SNX14: variants seen among roughly 807,000 people sequenced by gnomAD.
SNX14 encodes the protein sorting nexin-14.
In SNX14, 93 loss-of-function variants were observed where a neutral mutation model predicts 133.8. The ratio of observed to expected loss-of-function variants is 0.70; its 90% CI spans 0.59 to 0.83. SNX14 has a LOEUF of 0.83. Ranked by LOEUF, SNX14 falls within the 40% of genes least tolerant of loss-of-function variation. The pLI, the probability that SNX14 is intolerant of heterozygous loss-of-function variation, is 0.00. For missense variants in SNX14, 945 were observed against 1,094.9 expected (o/e 0.86, Z 1.93); for synonymous variants, 368 against 365.6 (o/e 1.01, Z -0.07).
intron 4 of SNX14, chr6:85,567,783 G>A (rs1794344821): frequency 2.9e-6 from 1 of 340,124 alleles, no homozygotes; most frequent in Admixed American, 5.2e-5. Context: ...ACGAGTTTGA[G>A]ACCAGCCTGG....
At chr6:85,547,056 C>A in intron 12 of SNX14, 56 bp downstream of exon 12, 5 of 1,237,274 alleles carry the variant, frequency 4.0e-6, no homozygotes, top group Non-Finnish European at 5.7e-6. Flanking sequence ...TTAAAATATT[C>A]AAATACATTA....
intron 6 of SNX14, among the ~76,000 whole-genome samples, chr6:85,563,079 C>T (rs1483048543): frequency 2.0e-5 from 3 of 152,068 alleles, no homozygotes; most frequent in Non-Finnish European, 4.4e-5. Flanking sequence ...TGTGAGACAA[C>T]ATACTTTCAA....
chr6:85,575,477 A>G (rs1179046653), intron 1 of SNX14, among the ~76,000 whole-genome samples: 1 of 152,252 alleles, frequency 6.6e-6, no homozygotes, highest in Non-Finnish European at 1.5e-5. Flanking sequence ...GTGCATGCAC[A>G]GACAGGAAAC....
At chr6:85,543,473 G>T (rs1402972274) in intron 13 of SNX14, 132 bp downstream of exon 13, 1 of 1,055,424 alleles carries the variant, frequency 9.5e-7, no homozygotes, top group Non-Finnish European at 1.3e-6. Context: ...TTTCTTTAAA[G>T]CTTTCATCTC....
At chr6:85,547,036 CA>C in intron 12 of SNX14, 75 bp downstream of exon 12, 1 of 986,268 alleles carries the variant, frequency 1.0e-6, no homozygotes, top group African/African-American at 1.7e-5. Context: ...ACCACAACAT[CA>C]GATCTGATTT....
At chr6:85,513,199 T>C (rs1323047224) in intron 26 of SNX14, among the ~76,000 whole-genome samples, 1 of 152,182 alleles carries the variant, frequency 6.6e-6, no homozygotes. Context: ...CCTTGTTATT[T>C]CCCGTCACAG....
rs566959967 is a variant in SNX14 at position 85,520,872 on chromosome 6, G to A, written c.2108-2824C>T. On this transcript the variant is annotated intron_variant, in intron 21 of 28. Coordinates refer to ENST00000314673, the MANE Select transcript of SNX14 (RefSeq NM_153816.6). ...CAGTTTATCTGTCCATTCAATTGCT[G>A]ATGAACATTTGTGCTGTTTCTAGTT... Among the ~76,000 whole-genome samples the A allele has an allele frequency of 1.3e-4, 20 of 152,260 alleles. No homozygotes were observed. In the South Asian group the frequency reaches 3.9e-3, roughly 30 times the overall value.
At chr6:85,549,552 T>G (rs978290583) in intron 8 of SNX14, among the ~76,000 whole-genome samples, 171 bp downstream of exon 8, 31 of 152,072 alleles carry the variant, frequency 2.0e-4, no homozygotes, top group Non-Finnish European at 4.1e-4. Flanking sequence ...AAATTGGCAT[T>G]TTAAGACCAT....
intron 1 of SNX14, among the ~76,000 whole-genome samples, chr6:85,593,264 C>G (rs1401590024): frequency 6.6e-6 from 1 of 152,134 alleles, no homozygotes; most frequent in African/African-American, 2.4e-5. Flanking sequence ...TGTACAGTCT[C>G]AATTTGAGCC....
chr6:85,557,969 G>A lies in SNX14; in HGVS notation c.634+7C>T, dbSNP rs757159941. 2 of 1,534,880 alleles carry A rather than the reference G, an allele frequency of 1.3e-6. No homozygotes were observed. The highest frequency in any genetic ancestry group is 2.3e-5 in the South Asian group (2 of 86,094). ...ATTACTCAAACTGTAGTAGAAAACT[G>A]TATTACCTTTCTGTCTGGCTTTAAC... On this transcript the variant is annotated splice_region_variant and intron_variant, in intron 7 of 28. Coordinates refer to ENST00000314673, the MANE Select transcript of SNX14 (RefSeq NM_153816.6).
At chr6:85,538,116 A>G (rs749196025) in intron 16 of SNX14, among the ~76,000 whole-genome samples, 2 of 152,236 alleles carry the variant, frequency 1.3e-5, no homozygotes, top group African/African-American at 2.4e-5. Flanking sequence ...AAGAAAATTA[A>G]TCAAGTTTCA....
intron 23 of SNX14, among the ~76,000 whole-genome samples, chr6:85,517,300 C>T (rs1203944208): frequency 6.6e-6 from 1 of 152,214 alleles, no homozygotes; most frequent in Non-Finnish European, 1.5e-5. Context: ...TAAACACCTT[C>T]TTGAGGACAA....
chr6:85,542,154 A>C, intron 14 of SNX14, 111 bp from the exon 15 acceptor site: 2 of 638,578 alleles, frequency 3.1e-6, no homozygotes, highest in Non-Finnish European at 2.5e-6. Context: ...AGCTATCTCA[A>C]TCAAGTGAAT....
intron 28 of SNX14, among the ~76,000 whole-genome samples, chr6:85,506,926 C>T (rs1195265634): frequency 6.6e-6 from 1 of 152,124 alleles, no homozygotes. Context: ...GACGATAACA[C>T]TGAGCTTGGC....
chr6:85,588,417 C>CA (rs998274008), intron 1 of SNX14, among the ~76,000 whole-genome samples: 68 of 148,060 alleles, frequency 4.6e-4, no homozygotes, highest in African/African-American at 1.2e-3. Context: ...ACTAAAAATA[C>CA]AAAAAAAAAA....
At chr6:85,566,186 C>T (rs1232469379) in intron 5 of SNX14, among the ~76,000 whole-genome samples, 7 of 152,064 alleles carry the variant, frequency 4.6e-5, no homozygotes, top group Non-Finnish European at 1.0e-4. Flanking sequence ...TCGAAAGTGT[C>T]GTAATGAGAG....
chr6:85,546,691 G>A (rs577990721), intron 12 of SNX14, among the ~76,000 whole-genome samples: 8 of 152,128 alleles, frequency 5.3e-5, no homozygotes, highest in East Asian at 3.9e-4. Context: ...GGCCGGGCGC[G>A]GTGGCTCACG....
chr6:85,576,879 A>T lies in SNX14; in HGVS notation c.141-2501T>A, dbSNP rs543885860. Among the ~76,000 whole-genome samples the T allele has an allele frequency of 7.2e-5, 11 of 152,314 alleles. No homozygotes were observed. In the East Asian group the frequency reaches 7.7e-4, roughly 11 times the overall value. ...CAATTAAGAGATTTAAGAAGATTTT[A>T]AAAAATTTTCAAGAGTTTTCAGAAG... On this transcript the variant is annotated intron_variant, in intron 1 of 28. Coordinates refer to ENST00000314673, the MANE Select transcript of SNX14 (RefSeq NM_153816.6).
intron 1 of SNX14, among the ~76,000 whole-genome samples, chr6:85,593,150 G>A (rs1803439548): frequency 6.6e-6 from 1 of 152,220 alleles, no homozygotes; most frequent in Non-Finnish European, 1.5e-5. Flanking sequence ...GGGGGTGGGA[G>A]GTGGGGAGAT....
Sources: gnomAD v4.1 joint callset for allele counts (sites outside exome capture counted in the v4.1 genomes callset) on GRCh38, gnomAD v4.1.1 for gene constraint, MANE v1.5 for transcripts, NCBI Gene and HGNC (gene_info 2026-07-23, HGNC 2026-07-21) for gene names.